The following GALNTL6 variants were observed in gnomAD, a reference collection of about 807,000 sequenced individuals.
GALNTL6 encodes polypeptide N-acetylgalactosaminyltransferase like 6.
Under a neutral mutation model 73.7 loss-of-function variants are expected in GALNTL6, and 46 were observed. The observed-to-expected ratio is 0.62, with a 90% CI of 0.49 to 0.80. The LOEUF (loss-of-function observed/expected upper bound fraction) is 0.80. Among genes scored for constraint, GALNTL6 ranks in the 30% least tolerant of loss-of-function variants. GALNTL6 has a pLI of 0.00. For synonymous variants in GALNTL6, 259 were observed against 263.7 expected, an observed-to-expected ratio of 0.98 and a Z score of 0.17; for missense variants, 604 against 755.0, an observed-to-expected ratio of 0.80 and a Z score of 2.34.
intron 5 of GALNTL6, among the ~76,000 whole-genome samples, chr4:172,543,320 T>G (rs1372362304): frequency 6.6e-6 from 1 of 152,210 alleles, no homozygotes; most frequent in East Asian, 1.9e-4. Flanking sequence ...TAAATTTACC[T>G]GCTGATTGGG....
chr4:172,825,575 TC>T (rs1227523938), intron 7 of GALNTL6, among the ~76,000 whole-genome samples: 2 of 152,126 alleles, frequency 1.3e-5, no homozygotes, highest in Non-Finnish European at 2.9e-5. Flanking sequence ...GCTTAGGATC[TC>T]CCAGCCTGCA....
intron 5 of GALNTL6, among the ~76,000 whole-genome samples, chr4:172,761,697 T>TCTCTCTCTC (rs1738115798): frequency 7.0e-5 from 5 of 71,914 alleles, no homozygotes; most frequent in Admixed American, 4.3e-4. Flanking sequence ...CTCTCTCTCT[T>TCTCTCTCTC]TCTCTCTCTC....
intron 5 of GALNTL6, among the ~76,000 whole-genome samples, chr4:172,379,366 T>C (rs1377895084): frequency 1.3e-5 from 2 of 151,710 alleles, no homozygotes; most frequent in African/African-American, 2.4e-5. Flanking sequence ...CCGTCTCTAC[T>C]AACAATACAA....
At chr4:172,048,438 G>C (rs1017750414) in intron 2 of GALNTL6, among the ~76,000 whole-genome samples, 1 of 152,066 alleles carries the variant, frequency 6.6e-6, no homozygotes, top group African/African-American at 2.4e-5. Flanking sequence ...ACAGCTATTT[G>C]AATAAAATAT....
intron 5 of GALNTL6, among the ~76,000 whole-genome samples, chr4:172,435,218 T>C (rs1466742261): frequency 6.6e-6 from 1 of 152,122 alleles, no homozygotes; most frequent in East Asian, 1.9e-4. Flanking sequence ...TACTTTTAAA[T>C]TTGCTCTCAT....
intron 2 of GALNTL6, among the ~76,000 whole-genome samples, chr4:172,211,943 C>T (rs1182232252): frequency 6.6e-6 from 1 of 152,112 alleles, no homozygotes; most frequent in Non-Finnish European, 1.5e-5. Flanking sequence ...GTATTAGGTG[C>T]CAACATATGA....
At chr4:171,832,415 T>C (rs938219443) in intron 2 of GALNTL6, among the ~76,000 whole-genome samples, 6 of 151,512 alleles carry the variant, frequency 4.0e-5, no homozygotes, top group African/African-American at 1.4e-4. Flanking sequence ...TTTATTGTCT[T>C]GTTTATGGCA....
chr4:172,148,889 C>T (rs557568528), intron 2 of GALNTL6, among the ~76,000 whole-genome samples: 2 of 152,016 alleles, frequency 1.3e-5, no homozygotes, highest in South Asian at 4.2e-4. Context: ...ATAAAACAGC[C>T]CTGCAGGAGG....
intron 12 of GALNTL6, among the ~76,000 whole-genome samples, chr4:173,033,678 T>C (rs1490785000): frequency 2.6e-5 from 4 of 152,136 alleles, no homozygotes; most frequent in African/African-American, 9.7e-5. Flanking sequence ...ACTGACAAAC[T>C]AAGTGACCAC....
intron 5 of GALNTL6, among the ~76,000 whole-genome samples, chr4:172,549,485 CTAAG>C (rs2110895229): frequency 6.6e-6 from 1 of 152,050 alleles, no homozygotes; most frequent in East Asian, 1.9e-4. Flanking sequence ...AGATCAATTA[CTAAG>C]TGATATCTAC....
At chr4:172,527,568 A>C (rs1213891376) in intron 5 of GALNTL6, among the ~76,000 whole-genome samples, 1 of 152,148 alleles carries the variant, frequency 6.6e-6, no homozygotes, top group Non-Finnish European at 1.5e-5. Context: ...TGGATTGTCT[A>C]TGCAGTGTCT....
intron 5 of GALNTL6, among the ~76,000 whole-genome samples, chr4:172,615,764 C>A (rs1738704415): frequency 6.6e-6 from 1 of 152,076 alleles, no homozygotes; most frequent in Admixed American, 6.5e-5. Flanking sequence ...AATTGCAAAG[C>A]TATTTAGCCC....
chr4:172,533,004 T>C (rs1038327121), intron 5 of GALNTL6, among the ~76,000 whole-genome samples: 1 of 143,488 alleles, frequency 7.0e-6, no homozygotes, highest in African/African-American at 2.5e-5. Flanking sequence ...AAACATTACA[T>C]TTTTGTAGAA....
At chr4:172,808,165 TG>T (rs2110982106) in intron 5 of GALNTL6, among the ~76,000 whole-genome samples, 1 of 152,262 alleles carries the variant, frequency 6.6e-6, no homozygotes. Context: ...AGCCAAATAT[TG>T]TTTTCATTGA....
At chr4:172,890,898 A>C (rs1745994442) in intron 8 of GALNTL6, among the ~76,000 whole-genome samples, 1 of 152,212 alleles carries the variant, frequency 6.6e-6, no homozygotes, top group Non-Finnish European at 1.5e-5. Context: ...TAGATTTATA[A>C]TAATTGTCTT....
chr4:172,857,553 C>T (rs1020316250), intron 7 of GALNTL6, among the ~76,000 whole-genome samples: 9 of 152,200 alleles, frequency 5.9e-5, no homozygotes, highest in Non-Finnish European at 1.3e-4. Flanking sequence ...AGAGAACTAA[C>T]ATTTTCAGAC....
chr4:172,682,391 G>A (rs1732677796), intron 5 of GALNTL6, among the ~76,000 whole-genome samples: 1 of 151,886 alleles, frequency 6.6e-6, no homozygotes. Context: ...ATAAGCCAAT[G>A]GATTTTAATA....
At chr4:172,883,839 C>T (rs937669647) in intron 8 of GALNTL6, among the ~76,000 whole-genome samples, 1 of 151,898 alleles carries the variant, frequency 6.6e-6, no homozygotes, top group Non-Finnish European at 1.5e-5. Flanking sequence ...TACCTTCTAC[C>T]TCCATTAGAC....
At chr4:171,968,283 G>T (rs937151307) in intron 2 of GALNTL6, among the ~76,000 whole-genome samples, 1 of 152,036 alleles carries the variant, frequency 6.6e-6, no homozygotes, top group Admixed American at 6.5e-5. Flanking sequence ...CCTAAATCTG[G>T]AGGCCAAAAG....
Sources: gnomAD v4.1 joint callset for allele counts (sites outside exome capture counted in the v4.1 genomes callset) on GRCh38, gnomAD v4.1.1 for gene constraint, MANE v1.5 for transcripts, NCBI Gene and HGNC (gene_info 2026-07-23, HGNC 2026-07-21) for gene names.